The following CHP1 variants were observed in gnomAD, a reference collection of about 807,000 sequenced individuals.
CHP1 encodes the protein calcineurin like EF-hand protein 1.
A neutral mutation model predicts 27.4 loss-of-function variants in CHP1; 11 were observed. The ratio of observed to expected loss-of-function variants is 0.40; its 90% CI spans 0.25 to 0.67. The LOEUF (loss-of-function observed/expected upper bound fraction) is 0.67, where lower values mean the gene tolerates loss of function less well. Among genes scored for constraint, CHP1 ranks in the 30% least tolerant of loss-of-function variants. The pLI, the probability that CHP1 is intolerant of heterozygous loss-of-function variation, is 0.38. For synonymous variants in CHP1, 89 were observed against 87.4 expected (o/e 1.02, Z -0.10); for missense variants, 169 against 251.3 (o/e 0.67, Z 2.22).
intron 1 of CHP1, among the ~76,000 whole-genome samples, chr15:41,234,732 A>G (rs1260654606): frequency 6.6e-6 from 1 of 152,218 alleles, no homozygotes; most frequent in Non-Finnish European, 1.5e-5. Context: ...ATTACATGAG[A>G]TGAATTATGC....
chr15:41,248,746 T>C (rs563091987), intron 2 of CHP1, among the ~76,000 whole-genome samples: 1 of 152,070 alleles, frequency 6.6e-6, no homozygotes, highest in Non-Finnish European at 1.5e-5. Context: ...AAACCCCGTC[T>C]CTACAAAAAA....
rs189132850 is a variant in CHP1, at chr15:41,278,257, C to T, written c.412-510C>T. 4.8e-5 allele frequency among the ~76,000 whole-genome samples: 7 copies of T among 144,458 alleles called. No individual in the cohort carries two copies. In the South Asian group the frequency reaches 6.6e-4, roughly 14 times the overall value. The allele number at this position is 144,458 out of a possible 152,430, so 94.8% of individuals were successfully genotyped here. A position where few individuals can be genotyped will look rare whatever the true frequency, so the allele number is the denominator to read the frequency against. ...CTGAGGCAGGAGAACGGCGTGAACC[C>T]GGGAGGCAGAGCTTGCAGTGAGCTG... On this transcript the variant is annotated intron_variant, in intron 5 of 6. Transcript: ENST00000334660.
chr15:41,270,406 CT>C, intron 4 of CHP1, 150 bp from the exon 5 acceptor site: 2 of 614,880 alleles, frequency 3.3e-6, no homozygotes, highest in East Asian at 2.8e-5. Flanking sequence ...AGTGTTACAA[CT>C]TTTTAAAAGC....
intron 6 of CHP1, 77 bp from the exon 7 acceptor site, chr15:41,279,259 A>C: frequency 8.3e-7 from 1 of 1,208,068 alleles, no homozygotes; most frequent in Non-Finnish European, 1.2e-6. Flanking sequence ...GAAGGGGGGA[A>C]AACATTACTC....
chr15:41,236,989 C>T (rs1174104608), intron 1 of CHP1, among the ~76,000 whole-genome samples: 18 of 151,370 alleles, frequency 1.2e-4, no homozygotes, highest in Admixed American at 1.3e-4. Context: ...GCCACCAGGC[C>T]TGGCTAATTT....
At chr15:41,237,155 T>C (rs1271069130) in intron 1 of CHP1, among the ~76,000 whole-genome samples, 1 of 149,252 alleles carries the variant, frequency 6.7e-6, no homozygotes, top group Non-Finnish European at 1.5e-5. Context: ...TCTTTTTTTT[T>C]TTTTAATTGA....
intron 4 of CHP1, among the ~76,000 whole-genome samples, chr15:41,268,505 C>T (rs1249893065): frequency 5.3e-5 from 8 of 151,514 alleles, no homozygotes; most frequent in African/African-American, 1.2e-4. Context: ...ATTAGCTGGG[C>T]GTGGTGGCAC....
chr15:41,248,632 G>T (rs907075175), intron 2 of CHP1, among the ~76,000 whole-genome samples: 12 of 152,096 alleles, frequency 7.9e-5, no homozygotes, highest in African/African-American at 1.9e-4. Context: ...TATAAGAAAG[G>T]TTGGGCGAGG....
rs143380848 is a variant in CHP1 at position 41,273,443 on chromosome 15, G to A, written c.411+2825G>A. Reference sequence around the variant, plus strand: ...GTCGCCCAGGCTGGAGAGCAGTGGCGTGATCTCAGCTCACTGTAACATCCG... The same window carrying A: ...GTCGCCCAGGCTGGAGAGCAGTGGCATGATCTCAGCTCACTGTAACATCCG... On this transcript the variant is annotated intron_variant, in intron 5 of 6. Coordinates refer to ENST00000334660, the MANE Select transcript of CHP1 (RefSeq NM_007236.5). 3.2e-3 allele frequency among the ~76,000 whole-genome samples: 482 copies of A among 152,034 alleles called. 2 individuals carry two copies. Among genetic ancestry groups the A allele is most frequent in the Non-Finnish European group, 3.4e-3 (229 of 67,988 alleles).
intron 1 of CHP1, among the ~76,000 whole-genome samples, chr15:41,238,804 A>G (rs918627390): frequency 4.6e-5 from 7 of 152,106 alleles, no homozygotes; most frequent in African/African-American, 1.7e-4. Flanking sequence ...GTGAGCCAAG[A>G]TCGCGCCACT....
intron 2 of CHP1, among the ~76,000 whole-genome samples, chr15:41,255,972 A>C (rs2047398500): frequency 1.3e-5 from 2 of 152,170 alleles, no homozygotes; most frequent in Middle Eastern, 3.2e-3. Flanking sequence ...AGCCAAGACC[A>C]TGCCATTGCA....
At chr15:41,235,753 G>A (rs1213763507) in intron 1 of CHP1, among the ~76,000 whole-genome samples, 1 of 152,120 alleles carries the variant, frequency 6.6e-6, no homozygotes, top group East Asian at 1.9e-4. Flanking sequence ...CCTGGCAAAG[G>A]CAATTGCTTG....
chr15:41,278,374 T>C (rs1440168933), intron 5 of CHP1, among the ~76,000 whole-genome samples: 1 of 151,586 alleles, frequency 6.6e-6, no homozygotes, highest in African/African-American at 2.4e-5. Flanking sequence ...AACTTTTAGG[T>C]TCAGGGCTAC....
chr15:41,239,320 G>GT (rs34584018), intron 1 of CHP1, among the ~76,000 whole-genome samples: 70,529 of 145,068 alleles, frequency 0.49, 18,127 homozygotes, highest in African/African-American at 0.7. Context: ...CTGGAAGATA[G>GT]TTTTTTTTTT....
chr15:41,252,238 T>A (rs982766169), intron 2 of CHP1, among the ~76,000 whole-genome samples: 2 of 151,932 alleles, frequency 1.3e-5, no homozygotes, highest in Admixed American at 1.3e-4. Context: ...GGTACAATCT[T>A]GGCTGACTGC....
intron 1 of CHP1, among the ~76,000 whole-genome samples, chr15:41,242,816 G>T (rs569294618): frequency 1.3e-5 from 2 of 151,490 alleles, no homozygotes; most frequent in South Asian, 4.2e-4. Flanking sequence ...GGTGGTGGGC[G>T]CCTGTAATCC....
At chr15:41,252,677 C>A (rs1416644240) in intron 2 of CHP1, among the ~76,000 whole-genome samples, 2 of 152,138 alleles carry the variant, frequency 1.3e-5, no homozygotes, top group Non-Finnish European at 2.9e-5. Flanking sequence ...TGGTTACTAA[C>A]AGTCTAAAAA....
intron 4 of CHP1, 98 bp downstream of exon 4, chr15:41,262,981 C>A: frequency 1.4e-6 from 2 of 1,469,514 alleles, no homozygotes; most frequent in Non-Finnish European, 1.9e-6. Flanking sequence ...TCTACAAGAG[C>A]ATACTGGTTA....
chr15:41,266,896 A>G (rs2047464028), intron 4 of CHP1, among the ~76,000 whole-genome samples: 1 of 152,064 alleles, frequency 6.6e-6, no homozygotes, highest in Non-Finnish European at 1.5e-5. Context: ...GCTAGTCGGG[A>G]GGCTGAGGCA....
Sources: allele counts gnomAD v4.1 joint callset (sites outside exome capture counted in the v4.1 genomes callset), GRCh38; gene constraint gnomAD v4.1.1; transcripts MANE v1.5; gene names NCBI Gene and HGNC (gene_info 2026-07-23, HGNC 2026-07-21).